MSANTD7: variants seen among roughly 807,000 people sequenced by gnomAD.
MSANTD7 encodes the protein Myb/SANT DNA binding domain containing 7.
At chr10:14,843,311 G>A in the MSANTD7 span, 1 of 1,541,624 alleles carries the variant, frequency 6.5e-7, no homozygotes. Context: ...TCTGCTGCTG[G>A]CTCCAAGCAT....
the MSANTD7 span, chr10:14,846,223 ATAGG>A: frequency 4.0e-3 from 3,919 of 985,138 alleles, 13 homozygotes; most frequent in Non-Finnish European, 4.5e-3. Context: ...TGTGTCAATT[ATAGG>A]TAGGTAGGTA....
the MSANTD7 span, among the ~76,000 whole-genome samples, chr10:14,839,713 A>G: frequency 8.5e-5 from 13 of 152,370 alleles, no homozygotes; most frequent in Middle Eastern, 3.4e-3. Context: ...GACTGAAAAC[A>G]TGAGGCAGTT....
chr10:14,841,608 G>A, the MSANTD7 span, among the ~76,000 whole-genome samples: 1 of 152,094 alleles, frequency 6.6e-6, no homozygotes, highest in African/African-American at 2.4e-5. Context: ...ATATGTTACT[G>A]TTTGTTTTAT....
the MSANTD7 span, chr10:14,839,817 C>A: frequency 1.1e-6 from 1 of 889,464 alleles, no homozygotes; most frequent in Non-Finnish European, 1.7e-6. Context: ...TTTTTCTTTC[C>A]ACACAGATGG....
At chr10:14,845,248 A>G in the MSANTD7 span, 1 of 985,112 alleles carries the variant, frequency 1.0e-6, no homozygotes, top group Non-Finnish European at 1.2e-6. Context: ...TAGTACTTTT[A>G]GGAATACAAA....
the MSANTD7 span, chr10:14,842,838 C>T: frequency 1.6e-5 from 25 of 1,530,414 alleles, no homozygotes; most frequent in African/African-American, 1.1e-4. The surrounding 1 kb of genome is among the most constrained non-coding windows in gnomAD (Gnocchi z 5.2). Context: ...GATGAATCCT[C>T]GGGTGCAGGT....
the MSANTD7 span, chr10:14,846,844 G>T: frequency 1.0e-6 from 1 of 985,348 alleles, no homozygotes; most frequent in Non-Finnish European, 1.2e-6. Context: ...AGAGAAGATG[G>T]CATTGCTAAT....
chr10:14,838,361 G>C, the MSANTD7 span: 1 of 1,568,372 alleles, frequency 6.4e-7, no homozygotes, highest in Non-Finnish European at 8.6e-7. Context: ...TGTTGCTGTT[G>C]GGGGACCCCC....
the MSANTD7 span, chr10:14,843,502 C>G: frequency 6.4e-7 from 1 of 1,550,662 alleles, no homozygotes; most frequent in Non-Finnish European, 8.7e-7. Context: ...CAGCACCAAC[C>G]GCAGCACTCC....
chr10:14,839,282 GGAA>G, the MSANTD7 span, among the ~76,000 whole-genome samples: 1 of 152,244 alleles, frequency 6.6e-6, no homozygotes, highest in Non-Finnish European at 1.5e-5. Context: ...TGTAGAAATG[GGAA>G]GAAAGGGGCC....
chr10:14,842,494 G>T, the MSANTD7 span: 4 of 1,536,148 alleles, frequency 2.6e-6, no homozygotes, highest in South Asian at 2.4e-5. The surrounding 1 kb of genome is among the most constrained non-coding windows in gnomAD (Gnocchi z 5.2). Context: ...AAGTTCTGAA[G>T]GCATTATATT....
the MSANTD7 span, chr10:14,844,402 T>G: frequency 5.0e-6 from 5 of 994,574 alleles, no homozygotes; most frequent in East Asian, 5.6e-4. Flanking sequence ...ACTTCATTGC[T>G]TGAATCTTTC....
the MSANTD7 span, chr10:14,840,058 A>G: frequency 8.4e-7 from 1 of 1,184,152 alleles, no homozygotes; most frequent in Non-Finnish European, 1.1e-6. Context: ...ATATATATAT[A>G]TTATTTTTTT....
At chr10:14,842,136 A>C in the MSANTD7 span, 1 of 1,533,894 alleles carries the variant, frequency 6.5e-7, no homozygotes, top group Non-Finnish European at 8.7e-7. The surrounding 1 kb of genome is among the most constrained non-coding windows in gnomAD (Gnocchi z 5.2). Context: ...CCTTCCAGCC[A>C]GAAATGCGGT....
chr10:14,839,992 G>T, the MSANTD7 span: 1 of 1,600,364 alleles, frequency 6.2e-7, no homozygotes, highest in African/African-American at 1.3e-5. Context: ...AGAGGTACTA[G>T]TCCCCCCATT....
the MSANTD7 span, among the ~76,000 whole-genome samples, chr10:14,839,067 G>A: frequency 6.6e-6 from 1 of 152,232 alleles, no homozygotes; most frequent in Non-Finnish European, 1.5e-5. Context: ...GTCCCGCAAA[G>A]CTGCCTGGCT....
the MSANTD7 span, chr10:14,842,710 AAG>A: frequency 6.5e-7 from 1 of 1,536,414 alleles, no homozygotes; most frequent in Non-Finnish European, 8.7e-7. This position sits in a 1 kb window ranked among gnomAD's most constrained non-coding sequence, Gnocchi z 5.2. Context: ...TAAAATCAAA[AAG>A]GACTCAGGCA....
the MSANTD7 span, chr10:14,846,007 C>T: frequency 1.8e-5 from 17 of 933,218 alleles, no homozygotes; most frequent in African/African-American, 5.3e-5. Flanking sequence ...TATTTTCTGT[C>T]ACAGCAGCAT....
At chr10:14,844,834 T>C in the MSANTD7 span, 1 of 985,366 alleles carries the variant, frequency 1.0e-6, no homozygotes, top group South Asian at 4.7e-5. Flanking sequence ...TCAGATTATA[T>C]CAGTTTCCCA....
Sources: allele counts gnomAD v4.1 joint callset (sites outside exome capture counted in the v4.1 genomes callset), GRCh38; gene constraint gnomAD v4.1.1; non-coding constraint Gnocchi (gnomAD v3.1); transcripts MANE v1.5; gene names NCBI Gene and HGNC (gene_info 2026-07-23, HGNC 2026-07-21).